The following ARID5B variants were observed in gnomAD, a reference collection of about 807,000 sequenced individuals.
ARID5B encodes the protein AT-rich interactive domain-containing protein 5B.
ARID5B carries 13 observed loss-of-function variants against 97.2 expected under a neutral mutation model. The ratio of observed to expected loss-of-function variants is 0.13; its 90% CI spans 0.09 to 0.21. The LOEUF (loss-of-function observed/expected upper bound fraction) is 0.21. Among genes scored for constraint, ARID5B ranks in the 10% least tolerant of loss-of-function variants. The probability of loss-of-function intolerance (pLI) is 1.00; values close to 1 mark genes in which losing one functional copy is unlikely to be tolerated. For missense variants in ARID5B, 1,210 were observed against 1,465.3 expected (o/e 0.83, Z 2.84); for synonymous variants, 556 against 570.3 (o/e 0.97, Z 0.36).
At chr10:62,089,936 T>C (rs1454004245) in intron 9 of ARID5B, among the ~76,000 whole-genome samples, 1 of 152,162 alleles carries the variant, frequency 6.6e-6, no homozygotes, top group Non-Finnish European at 1.5e-5. Flanking sequence ...ATGACAGCAG[T>C]TTTGAAAGGG....
rs74156299 is a variant in ARID5B, at chr10:61,967,440, C to T, written c.502+27032C>T. Among the ~76,000 whole-genome samples, 341 of 152,320 alleles carry T rather than the reference C, an allele frequency of 2.2e-3. 1 individual carries two copies. Among genetic ancestry groups the T allele is most frequent in the African/African-American group, 7.9e-3 (328 of 41,580 alleles). On this transcript the variant is annotated intron_variant, in intron 3 of 9. Transcript: ENST00000279873. ...ATATATCTACCTTACTTATCTTCAG[C>T]CACCACCACAATTCTTTGTGTGTGA...
At chr10:62,057,882 A>G (rs1328229259) in intron 6 of ARID5B, among the ~76,000 whole-genome samples, 1 of 152,224 alleles carries the variant, frequency 6.6e-6, no homozygotes, top group African/African-American at 2.4e-5. Context: ...GTATATTTGC[A>G]AGGAGAACAG....
chr10:62,015,621 G>T (rs1217783038), intron 4 of ARID5B, among the ~76,000 whole-genome samples: 2 of 151,932 alleles, frequency 1.3e-5, no homozygotes, highest in African/African-American at 4.8e-5. Flanking sequence ...GAGGTTTTTT[G>T]TTGTTGTTGT....
chr10:62,057,082 G>C (rs1389394341), intron 5 of ARID5B, 35 bp from the exon 6 acceptor site: 1 of 1,605,654 alleles, frequency 6.2e-7, no homozygotes, highest in African/African-American at 1.3e-5. Context: ...CTGGGGCTGT[G>C]CCTCGTCTGA....
chr10:61,945,673 C>T (rs1002137770), intron 3 of ARID5B, among the ~76,000 whole-genome samples: 6 of 152,080 alleles, frequency 3.9e-5, no homozygotes, highest in African/African-American at 1.4e-4. Flanking sequence ...ATGTACCTGG[C>T]TGTTTCTCAT....
At chr10:62,016,003 G>A (rs376487218) in intron 4 of ARID5B, among the ~76,000 whole-genome samples, 23 of 152,324 alleles carry the variant, frequency 1.5e-4, no homozygotes, top group Non-Finnish European at 2.5e-4. Flanking sequence ...TGAATTGTTC[G>A]ACTAAGACTC....
At chr10:62,029,668 A>T (rs1006522692) in intron 4 of ARID5B, among the ~76,000 whole-genome samples, 29 of 152,228 alleles carry the variant, frequency 1.9e-4, no homozygotes, top group Non-Finnish European at 1.0e-4. Context: ...TTTTGCCTGT[A>T]GGACTCCATC....
chr10:62,040,153 T>G (rs779583043), intron 4 of ARID5B, among the ~76,000 whole-genome samples: 3 of 152,186 alleles, frequency 2.0e-5, no homozygotes, highest in Non-Finnish European at 4.4e-5. Context: ...ACTCTCTCTC[T>G]CTTTCTGTCT....
chr10:61,961,993 C>A (rs952571667), intron 3 of ARID5B, among the ~76,000 whole-genome samples: 1 of 152,200 alleles, frequency 6.6e-6, no homozygotes, highest in African/African-American at 2.4e-5. Context: ...AGGTGATCCG[C>A]CAGCCTAGGC....
Position 62,019,119 on chromosome 10 carries a change from T to C in ARID5B, c.733+18798T>C, listed in dbSNP as rs77797521. Among the ~76,000 whole-genome samples, 1,007 of 152,266 alleles carry C rather than the reference T, an allele frequency of 6.6e-3. 12 individuals are homozygous for C. The highest frequency in any genetic ancestry group is 0.023 in the African/African-American group (966 of 41,554). On this transcript the variant is annotated intron_variant, in intron 4 of 9. Transcript: ENST00000279873. ...GTTGGAGCTCTGGATTCAGCAATTA[T>C]TGTGAATAAGAACCTTGCAGCTAGG...
At chr10:61,908,443 G>T (rs758500245) in intron 2 of ARID5B, among the ~76,000 whole-genome samples, 1 of 152,148 alleles carries the variant, frequency 6.6e-6, no homozygotes, top group Non-Finnish European at 1.5e-5. Flanking sequence ...TTTGGAAAAA[G>T]AATTCATTAA....
chr10:62,067,475 C>T (rs1312049900), intron 7 of ARID5B, among the ~76,000 whole-genome samples: 1 of 152,182 alleles, frequency 6.6e-6, no homozygotes, highest in Non-Finnish European at 1.5e-5. Flanking sequence ...CAACCCACTA[C>T]CTTAAATTGA....
At chr10:61,979,487 GTCA>G (rs1256599401) in intron 3 of ARID5B, among the ~76,000 whole-genome samples, 2 of 152,088 alleles carry the variant, frequency 1.3e-5, no homozygotes, top group African/African-American at 4.8e-5. Context: ...AAACACTAAC[GTCA>G]TCACTCCCAG....
At chr10:61,980,520 C>G (rs1457464492) in intron 3 of ARID5B, among the ~76,000 whole-genome samples, 3 of 152,122 alleles carry the variant, frequency 2.0e-5, no homozygotes, top group Non-Finnish European at 4.4e-5. Flanking sequence ...GAGAGAAGCC[C>G]AGCAAATGTG....
chr10:62,096,512 G>A lies in ARID5B; in HGVS notation c.*3482G>A, dbSNP rs1840473077. 1 of 233,402 alleles carries A rather than the reference G, an allele frequency of 4.3e-6. No individual in the cohort carries two copies. Among genetic ancestry groups the A allele is most frequent in the Non-Finnish European group, 8.5e-6 (1 of 118,004 alleles). 14.5% of individuals were successfully genotyped at this position (233,402 alleles called of 1,614,324 possible). On this transcript the variant is annotated 3_prime_UTR_variant, in exon 10 of 10. Transcript: ENST00000279873. ...GAGCACTTAAAGTCCAGTGTTGGCT[G>A]TTAGTGTATTTGATATTCTGCCTGT... is the stretch of plus-strand genomic sequence containing the variant.
rs947939260 is a variant in ARID5B, at chr10:62,005,671, G to A, written c.733+5350G>A. On this transcript the variant is annotated intron_variant, in intron 4 of 9. Coordinates refer to ENST00000279873, the MANE Select transcript of ARID5B (RefSeq NM_032199.3). ...GACAAAAGAAGAAAAAGAAAAGGGG[G>A]AGAACAGAAGAGATGAAGGGACAAA... Among the ~76,000 whole-genome samples the A allele has an allele frequency of 4.7e-4, 71 of 152,156 alleles. 1 individual carries two copies. Among genetic ancestry groups the A allele is most frequent in the Admixed American group, 4.5e-3 (68 of 15,264 alleles).
At chr10:61,989,943 G>A (rs1177834315) in intron 3 of ARID5B, among the ~76,000 whole-genome samples, 1 of 152,214 alleles carries the variant, frequency 6.6e-6, no homozygotes, top group Non-Finnish European at 1.5e-5. Flanking sequence ...AGGGATGGAG[G>A]ATGGGTGAAG....
At chr10:61,903,540 G>A (rs192003026) in intron 2 of ARID5B, among the ~76,000 whole-genome samples, 353 of 152,356 alleles carry the variant, frequency 2.3e-3, no homozygotes, top group African/African-American at 7.8e-3. Flanking sequence ...GCCGCCTGGC[G>A]AGGCTTTGTG....
Position 61,979,954 on chromosome 10 carries a change from G to A in ARID5B, c.503-20137G>A, listed in dbSNP as rs373026222. ...TGAAAATACAAAAAATTAGCCAAGC[G>A]TGGTGGCACATGCCTGTAATCCCAG... On this transcript the variant is annotated intron_variant, in intron 3 of 9. Transcript: ENST00000279873. Among the ~76,000 whole-genome samples, 438 of 152,190 alleles carry A rather than the reference G, an allele frequency of 2.9e-3. 1 individual carries two copies. Among genetic ancestry groups the A allele is most frequent in the African/African-American group, 9.3e-3 (385 of 41,510 alleles).
Sources: gnomAD v4.1 joint callset for allele counts (sites outside exome capture counted in the v4.1 genomes callset) on GRCh38, gnomAD v4.1.1 for gene constraint, MANE v1.5 for transcripts, NCBI Gene and HGNC (gene_info 2026-07-23, HGNC 2026-07-21) for gene names.